Variants in DNAJB6 observed in about 807,000 individuals in gnomAD.
DNAJB6 encodes DnaJ heat shock protein family (Hsp40) member B6.
DNAJB6 carries 16 observed loss-of-function variants against 42.7 expected under a neutral mutation model. The observed-to-expected ratio is 0.37, with a 90% confidence interval of 0.25 to 0.57. The LOEUF (loss-of-function observed/expected upper bound fraction) is 0.57, where lower values mean the gene tolerates loss of function less well. DNAJB6 is among the 20% of genes least tolerant of loss of function. The pLI is 0.74. For synonymous variants in DNAJB6, 170 were observed against 163.5 expected (o/e 1.04, Z -0.30); for missense variants, 347 against 416.8 (o/e 0.83, Z 1.46).
chr7:157,350,526 C>T (rs560918708), intron 1 of DNAJB6, among the ~76,000 whole-genome samples: 40 of 152,118 alleles, frequency 2.6e-4, no homozygotes, highest in African/African-American at 7.0e-4. Context: ...CGGTCACTGG[C>T]GTTTGTTCAG....
intron 1 of DNAJB6, among the ~76,000 whole-genome samples, chr7:157,348,724 C>T (rs1214654173): frequency 6.6e-6 from 1 of 152,078 alleles, no homozygotes; most frequent in Non-Finnish European, 1.5e-5. Flanking sequence ...TGGAAGAGTC[C>T]TAATTCCTTA....
intron 8 of DNAJB6, among the ~76,000 whole-genome samples, chr7:157,401,037 C>T (rs1387866715): frequency 6.6e-6 from 1 of 152,080 alleles, no homozygotes; most frequent in East Asian, 1.9e-4. Flanking sequence ...CCTGCTTTGC[C>T]GAAGCCCCGG....
At chr7:157,398,594 G>A (rs1477795567) in intron 8 of DNAJB6, among the ~76,000 whole-genome samples, 2 of 152,192 alleles carry the variant, frequency 1.3e-5, no homozygotes, top group Non-Finnish European at 2.9e-5. Context: ...ATAGCTTCTC[G>A]ATGATTTCAG....
intron 5 of DNAJB6, among the ~76,000 whole-genome samples, chr7:157,375,751 G>A (rs980636083): frequency 6.6e-6 from 1 of 152,226 alleles, no homozygotes; most frequent in Admixed American, 6.5e-5. Context: ...TAATAAATGA[G>A]TGCCTGGTTT....
chr7:157,410,525 C>T, intron 9 of DNAJB6: 1 of 174,584 alleles, frequency 5.7e-6, no homozygotes, highest in Non-Finnish European at 1.2e-5. Context: ...CCGCCCTGCC[C>T]TCCTCCCACC....
intron 5 of DNAJB6, among the ~76,000 whole-genome samples, chr7:157,369,644 C>T (rs1160098435): frequency 7.0e-6 from 1 of 142,728 alleles, no homozygotes; most frequent in Admixed American, 6.8e-5. Context: ...GCCCTTTCTT[C>T]ACATTATTAT....
At position 157,384,962 on chromosome 7, in the gene DNAJB6, T is replaced by C. The variant is rs759778675; in HGVS notation, c.574T>C (p.Ser192Pro). 8 of 1,614,170 alleles carry C rather than the reference T, an allele frequency of 5.0e-6. No homozygotes were observed. Among genetic ancestry groups the C allele is most frequent in the African/African-American group, 1.3e-5 (1 of 75,060 alleles). ...TGGCATGGGCAACTTCAAATCGATA[T>C]CAACTTCAACTAAAATGGTTAATGG... ...GSGMGNFKSI[S>P]TSTKMVNGRK... The change falls in exon 7 of 10, where the codon TCA becomes CCA. Residue 192 changes from serine to proline, a missense_variant. Physicochemically the swap from Ser to Pro is moderately conservative, Grantham distance 74. Around this residue, in one of 3 missense-constraint regions of DNAJB6, gnomAD observed 264 missense variants for 288.0 expected, o/e 0.92. Coordinates refer to ENST00000262177, the MANE Select transcript of DNAJB6 (RefSeq NM_058246.4).
intron 5 of DNAJB6, among the ~76,000 whole-genome samples, chr7:157,375,318 A>T (rs1310604389): frequency 6.6e-6 from 1 of 152,198 alleles, no homozygotes; most frequent in Non-Finnish European, 1.5e-5. Context: ...GGTTGGGAAG[A>T]GGCCCATTCC....
At chr7:157,369,561 CCATTATTATTAAACAGGCCGTTTCTCAA>C (rs1210582973) in intron 5 of DNAJB6, 1 of 343,180 alleles carries the variant, frequency 2.9e-6, no homozygotes, top group Non-Finnish European at 5.7e-6. Context: ...GGCTTTCTTA[CCATTATTATTAAACAGGCCGTTTCTCAA>C]CATTATTATT....
chr7:157,405,811 T>C (rs970638283), intron 8 of DNAJB6, among the ~76,000 whole-genome samples: 2 of 152,234 alleles, frequency 1.3e-5, no homozygotes, highest in Non-Finnish European at 2.9e-5. Context: ...GTGGTGCTTG[T>C]TCCGGTTCTC....
intron 3 of DNAJB6, among the ~76,000 whole-genome samples, chr7:157,363,768 A>G (rs888320664): frequency 6.6e-6 from 1 of 152,190 alleles, no homozygotes; most frequent in Non-Finnish European, 1.5e-5. Flanking sequence ...TTCCCCTCCT[A>G]GGTCTGGAGC....
intron 5 of DNAJB6, among the ~76,000 whole-genome samples, chr7:157,377,058 G>A (rs1800512140): frequency 6.6e-6 from 1 of 152,186 alleles, no homozygotes; most frequent in African/African-American, 2.4e-5. Context: ...ATAAAAGATC[G>A]TGGAGATGAA....
At chr7:157,346,276 G>A (rs1365251504) in intron 1 of DNAJB6, among the ~76,000 whole-genome samples, 2 of 146,332 alleles carry the variant, frequency 1.4e-5, no homozygotes, top group Non-Finnish European at 3.0e-5. Context: ...GCTACTCCGG[G>A]CACACTGCCT....
intron 1 of DNAJB6, among the ~76,000 whole-genome samples, chr7:157,341,273 T>C (rs1189362282): frequency 1.3e-5 from 2 of 151,966 alleles, no homozygotes; most frequent in African/African-American, 4.8e-5. Flanking sequence ...TACAGGCACC[T>C]GCCACTGCTC....
At chr7:157,365,283 G>A (rs554943707) in intron 3 of DNAJB6, among the ~76,000 whole-genome samples, 1 of 152,382 alleles carries the variant, frequency 6.6e-6, no homozygotes, top group South Asian at 2.1e-4. Context: ...CGCAGATGGT[G>A]TCATGTCAGA....
At chr7:157,387,461 G>GT (rs1321356019) in intron 8 of DNAJB6, among the ~76,000 whole-genome samples, 1 of 152,174 alleles carries the variant, frequency 6.6e-6, no homozygotes, top group Non-Finnish European at 1.5e-5. Context: ...AGGACGGGTG[G>GT]TTTTTTGTTA....
intron 1 of DNAJB6, chr7:157,339,857 C>T (rs1335738168): frequency 6.6e-6 from 1 of 152,272 alleles, no homozygotes; most frequent in Non-Finnish European, 1.5e-5. Context: ...GAACTCCTGA[C>T]CTCAGGTGAT....
chr7:157,413,718 CT>C (rs549829121), intron 9 of DNAJB6: 2,748 of 94,042 alleles, frequency 0.029, 6 homozygotes, highest in African/African-American at 0.038. Flanking sequence ...CAATTTTGGA[CT>C]TTTTTTTTTT....
chr7:157,368,878 C>T (rs3757826), intron 5 of DNAJB6: 105,943 of 195,718 alleles, frequency 0.54, 29,247 homozygotes, highest in East Asian at 0.75. Flanking sequence ...ACAGATAATA[C>T]AGGGGAGAAA....
Sources: allele counts gnomAD v4.1 joint callset (sites outside exome capture counted in the v4.1 genomes callset), GRCh38; gene constraint gnomAD v4.1.1; regional missense constraint gnomAD v4.1.1; transcripts MANE v1.5; gene names NCBI Gene and HGNC (gene_info 2026-07-23, HGNC 2026-07-21).